Variants in CIC observed in about 807,000 individuals in gnomAD.
The protein encoded by CIC is capicua transcriptional repressor, also known as protein capicua homolog.
CIC carries 18 observed loss-of-function variants against 115.7 expected under a neutral mutation model. That is an observed-to-expected ratio of 0.16 (90% confidence interval 0.11 to 0.23). CIC has a LOEUF of 0.23. Among genes scored for constraint, CIC ranks in the 10% least tolerant of loss-of-function variants. CIC has a pLI of 1.00. For missense variants in CIC, 2,000 were observed against 2,159.3 expected (o/e 0.93, Z 1.46); for synonymous variants, 1,076 against 923.0 (o/e 1.17, Z -3.01).
In CIC at chr19:42,292,967, A is replaced by T. The variant is rs2147316747; in HGVS notation, c.6208A>T (p.Thr2070Ser). 3 of 1,613,730 alleles carry T rather than the reference A, an allele frequency of 1.9e-6. No homozygotes were observed. Among genetic ancestry groups the T allele is most frequent in the Non-Finnish European group, 2.5e-6 (3 of 1,179,986 alleles). ...PFPSATAGSM[T>S]YSLVAPKAQR... ...TTTCTCCCCACTAGCAGGTTCCATG[A>T]CCTACAGCTTAGTGGCCCCCAAGGC... The change falls in exon 16 of 21, where the codon ACC (threonine) becomes TCC (serine). Residue 2070 changes from threonine (T) to serine (S), a missense_variant. Thr to Ser is a moderately conservative substitution (Grantham distance 58, BLOSUM62 1). Coordinates refer to ENST00000681038, the MANE Select transcript of CIC (RefSeq NM_001386298.1).
intron 2 of CIC, among the ~76,000 whole-genome samples, chr19:42,285,646 G>C (rs557345260): frequency 1.2e-4 from 19 of 152,336 alleles, no homozygotes; most frequent in Admixed American, 1.2e-3. Flanking sequence ...TGGAATGATG[G>C]AGAGCAGGGC....
rs778332214 is a variant in CIC, at chr19:42,292,860, G to A, written c.6196+1G>A. 6.2e-7 allele frequency: 1 copy of A among 1,613,866 alleles called. No individual in the cohort carries two copies. The highest frequency in any genetic ancestry group is 8.5e-7 in the Non-Finnish European group (1 of 1,179,998). On this transcript the variant is annotated splice_donor_variant, in intron 15 of 20. Coordinates refer to ENST00000681038, the MANE Select transcript of CIC (RefSeq NM_001386298.1). LOFTEE classifies it high-confidence loss of function. Reference sequence around the variant, plus strand: ...ACTAGCCCTTTCCCCAGCGCCACAGGTAGGTGTCAGATCAACCCAGAGCAG... The same window carrying A: ...ACTAGCCCTTTCCCCAGCGCCACAGATAGGTGTCAGATCAACCCAGAGCAG...
intron 9 of CIC, 42 bp from the exon 10 acceptor site, chr19:42,289,806 G>A: frequency 6.7e-7 from 1 of 1,481,912 alleles, no homozygotes; most frequent in Non-Finnish European, 9.2e-7. Context: ...GGGTCCCCCT[G>A]CATCTAGCCC....
In CIC at chr19:42,272,038, G is replaced by T. The variant is rs1161854783; in HGVS notation, c.255G>T (p.Pro85=). ...CACTGGAGCTGCACCCTGGCGACCC[G>T]GCTCCAGGCCCAGCAGAGGACCCCA... ...GPPLELHPGD[P]APGPAEDPKG... is the part of the protein sequence containing the mutation. The change falls in exon 2 of 21, where the codon CCG becomes CCT. Residue 85 remains proline, a synonymous_variant. Coordinates refer to ENST00000681038, the MANE Select transcript of CIC (RefSeq NM_001386298.1). 4 of 398,850 alleles carry T rather than the reference G, an allele frequency of 1.0e-5. No homozygotes were observed. The East Asian group carries it at 1.1e-4, about 11-fold the overall frequency. 24.7% of individuals were successfully genotyped at this position (398,850 alleles called of 1,614,324 possible). A position where few individuals can be genotyped will look rare whatever the true frequency, so the allele number is the denominator to read the frequency against.
In CIC at chr19:42,292,150, C is replaced by A. The variant is rs1347567380; in HGVS notation, c.5678C>A (p.Ala1893Asp). ...GGCCTGGTGCCGCCCCTGAGCCCAG[C>A]CACACTCCCTGGACCCACCTCTCAG... ...PSGLVPPLSP[A>D]TLPGPTSQPQ... Residue 1893 changes from alanine (A) to aspartate (D), a missense_variant, in exon 13 of 21, where the codon GCC (alanine) becomes GAC (aspartate). Around this residue, in one of 8 missense-constraint regions of CIC, gnomAD observed 1,466 missense variants for 1,390.4 expected, o/e 1.05. Transcript: ENST00000681038. The A allele has an allele frequency of 1.2e-6, 2 of 1,613,854 alleles. No homozygotes were observed. The highest frequency in any genetic ancestry group is 2.7e-5 in the African/African-American group (2 of 74,892).
Position 42,288,976 on chromosome 19 carries a change from G to T in CIC, c.3747G>T (p.Arg1249=). 6.2e-7 allele frequency: 1 copy of T among 1,614,020 alleles called. No individual in the cohort carries two copies. ...GGAGCAGCTCCTGTGGGGCAGAACG[G>T]CTACACACAGTTGGGGGACCTGGCT... is the stretch of plus-strand genomic sequence containing the variant. ...APGSSSCGAE[R]LHTVGGPGSA... Residue 1249 remains arginine (R), a synonymous_variant, in exon 8 of 21, where the codon CGG becomes CGT. Coordinates refer to ENST00000681038, the MANE Select transcript of CIC (RefSeq NM_001386298.1).
chr19:42,270,081 G>A lies in CIC; in HGVS notation c.-11+700G>A. On this transcript the variant is annotated intron_variant, in intron 1 of 20. Coordinates refer to ENST00000681038, the MANE Select transcript of CIC (RefSeq NM_001386298.1). This position sits in a 1 kb window ranked among gnomAD's most constrained non-coding sequence, Gnocchi z 4.1. Reference sequence around the variant, plus strand: ...GCAGCAAGGTCTAGGGGTCCAGGCGGCATAGTTGTAGGCCCTGGGTGGGGT... The same window carrying A: ...GCAGCAAGGTCTAGGGGTCCAGGCGACATAGTTGTAGGCCCTGGGTGGGGT... Among the ~76,000 whole-genome samples, 1 of 152,178 alleles carries A rather than the reference G, an allele frequency of 6.6e-6. No individual in the cohort carries two copies. The highest frequency in any genetic ancestry group is 1.9e-4 in the East Asian group (1 of 5,204).
chr19:42,290,726 C>T lies in CIC; in HGVS notation c.4685C>T (p.Pro1562Leu), dbSNP rs1376919018. The change falls in exon 11 of 21, where the codon CCA becomes CTA. Residue 1562 changes from proline (P) to leucine (L), a missense_variant. Pro to Leu is a moderately conservative substitution (Grantham distance 98). This residue lies in a region of CIC where 1,466 missense variants were observed against 1,390.4 expected (regional missense o/e 1.05). Transcript: ENST00000681038. ...GCCAGAGTGCCCTCCGCCCCCGCCC[C>T]ATCACTGGCCTATGGGGCCCCAGCA... Reference protein sequence around the residue: ...GGARVPSAPAPSLAYGAPAAP... With the variant: ...GGARVPSAPALSLAYGAPAAP... 6.2e-7 allele frequency: 1 copy of T among 1,612,664 alleles called. No homozygotes were observed.
At position 42,287,726 on chromosome 19, in the gene CIC, A is replaced by AG; in HGVS notation, c.3492+1dup. The stretch of plus-strand genomic sequence containing the variant: ...CAGAAGTACCACGACCTGGCCTTCC[A>AG]GGTAACGCTGTTGCCTCTTGGCTCC... On this transcript the variant is annotated frameshift_variant and splice_region_variant, in exon 6 of 21. Coordinates refer to ENST00000681038, the MANE Select transcript of CIC (RefSeq NM_001386298.1). LOFTEE classifies it high-confidence loss of function. This position sits in a 1 kb window ranked among gnomAD's most constrained non-coding sequence, Gnocchi z 8.7. 6.2e-7 allele frequency: 1 copy of AG among 1,614,160 alleles called. No individual in the cohort carries two copies. Among genetic ancestry groups the AG allele is most frequent in the Non-Finnish European group, 8.5e-7 (1 of 1,180,026 alleles).
chr19:42,295,226 C>A lies in CIC; in HGVS notation c.*35C>A. The A allele has an allele frequency of 1.3e-6, 2 of 1,518,874 alleles. No individual in the cohort carries two copies. Among genetic ancestry groups the A allele is most frequent in the South Asian group, 2.4e-5 (2 of 83,606 alleles). 94.1% of individuals were successfully genotyped at this position (1,518,874 alleles called of 1,614,324 possible). A position where few individuals can be genotyped will look rare whatever the true frequency, so the allele number is the denominator to read the frequency against. On this transcript the variant is annotated 3_prime_UTR_variant, in exon 21 of 21. Transcript: ENST00000681038. ...GAGAAGATGCCAGGACTTATAGTAC[C>A]CCCTCAGGACATGGACAGTATGTGG...
At chr19:42,285,347 C>T (rs954770203) in intron 2 of CIC, among the ~76,000 whole-genome samples, 1 of 152,124 alleles carries the variant, frequency 6.6e-6, no homozygotes, top group African/African-American at 2.4e-5. Flanking sequence ...TGGGAAAGAT[C>T]TTTGCAAAGA....
In CIC at chr19:42,289,003, A is replaced by C; in HGVS notation, c.3774A>C (p.Ser1258=). The C allele has an allele frequency of 1.2e-6, 2 of 1,613,922 alleles. No homozygotes were observed. The highest frequency in any genetic ancestry group is 2.2e-5 in the South Asian group (2 of 91,090). The change falls in exon 8 of 21, where the codon TCA becomes TCC. Residue 1258 remains serine (S), a synonymous_variant. Coordinates refer to ENST00000681038, the MANE Select transcript of CIC (RefSeq NM_001386298.1). The part of the protein sequence containing the change: ...ERLHTVGGPG[S]ARPRAFSHSG... ...TACACACAGTTGGGGGACCTGGCTC[A>C]GCCCGGCCCCGAGCTTTCTCCCACA... is the stretch of plus-strand genomic sequence containing the variant.
chr19:42,272,368 C>T lies in CIC; in HGVS notation c.585C>T (p.Gly195=). The T allele has an allele frequency of 2.5e-6, 1 of 398,532 alleles. No homozygotes were observed. Among genetic ancestry groups the T allele is most frequent in the East Asian group, 3.6e-5 (1 of 28,072 alleles). The allele number at this position is 398,532 out of a possible 1,614,324, so 24.7% of individuals were successfully genotyped here. ...PGPWPPGSTS[G]SYDLRQLRSQ... is the part of the protein sequence containing the mutation. ...CTTGGCCCCCTGGCAGCACCAGTGG[C>T]AGCTATGACCTGCGGCAGCTGCGGT... The change falls in exon 2 of 21, where the codon GGC becomes GGT. Residue 195 remains glycine, a synonymous_variant. Coordinates refer to ENST00000681038, the MANE Select transcript of CIC (RefSeq NM_001386298.1).
At chr19:42,290,104 G>A in intron 10 of CIC, 129 bp from the exon 11 acceptor site, 2 of 1,458,242 alleles carry the variant, frequency 1.4e-6, no homozygotes, top group Non-Finnish European at 1.9e-6. Flanking sequence ...AGGATGAATT[G>A]AGGCCTTCAG....
At chr19:42,285,075 A>C (rs1225762991) in intron 2 of CIC, among the ~76,000 whole-genome samples, 1 of 152,134 alleles carries the variant, frequency 6.6e-6, no homozygotes, top group Non-Finnish European at 1.5e-5. Context: ...TAGGAACAGC[A>C]CGAGACCTGC....
intron 2 of CIC, among the ~76,000 whole-genome samples, chr19:42,286,147 C>T (rs1009280854): frequency 7.2e-5 from 11 of 152,134 alleles, no homozygotes; most frequent in African/African-American, 2.4e-4. Context: ...GCTGGAGCCA[C>T]CTGTGCCCAG....
At chr19:42,286,645 C>A in intron 2 of CIC, 126 bp from the exon 3 acceptor site, 1 of 1,184,196 alleles carries the variant, frequency 8.4e-7, no homozygotes, top group Non-Finnish European at 1.2e-6. Context: ...GTCCAAGAGG[C>A]TCTGGTGTTG....
In CIC at chr19:42,270,033, G is replaced by A. The variant is rs1012719991; in HGVS notation, c.-11+652G>A. On this transcript the variant is annotated intron_variant, in intron 1 of 20. Transcript: ENST00000681038. This position sits in a 1 kb window ranked among gnomAD's most constrained non-coding sequence, Gnocchi z 4.1. ...GCCCTAGGGGAAAGAAAGCAGCTCT[G>A]GGGCGAAGAGAGGCTGGGCCAGGCA... 6.6e-6 allele frequency among the ~76,000 whole-genome samples: 1 copy of A among 152,168 alleles called. No homozygotes were observed. Among genetic ancestry groups the A allele is most frequent in the African/African-American group, 2.4e-5 (1 of 41,422 alleles).
intron 7 of CIC, 71 bp from the exon 8 acceptor site, chr19:42,288,817 G>C: frequency 7.3e-7 from 1 of 1,367,642 alleles, no homozygotes; most frequent in Non-Finnish European, 1.0e-6. Flanking sequence ...AAATATCTAT[G>C]GGTTGTTGGG....
Sources: allele counts gnomAD v4.1 joint callset (sites outside exome capture counted in the v4.1 genomes callset), GRCh38; gene constraint gnomAD v4.1.1; regional missense constraint gnomAD v4.1.1; non-coding constraint Gnocchi (gnomAD v3.1); transcripts MANE v1.5; gene names NCBI Gene and HGNC (gene_info 2026-07-23, HGNC 2026-07-21).